Variants in CBX2 observed in about 807,000 individuals in gnomAD.
The protein encoded by CBX2 is chromobox 2.
A neutral mutation model predicts 21.0 loss-of-function variants in CBX2; 11 were observed. The observed-to-expected ratio is 0.52, with a 90% CI of 0.33 to 0.87. CBX2 has a LOEUF of 0.87. CBX2 is among the 40% of genes least tolerant of loss of function. The probability of loss-of-function intolerance (pLI) is 0.02; values close to 1 mark genes in which losing one functional copy is unlikely to be tolerated. For missense variants in CBX2, 746 were observed against 724.3 expected (o/e 1.03, Z -0.34); for synonymous variants, 364 against 304.6 (o/e 1.19, Z -2.03).
In CBX2 at chr17:79,786,867, G is replaced by C. The variant is rs1907673536; in HGVS notation, c.*1825G>C. 6.5e-6 allele frequency: 1 copy of C among 152,718 alleles called. No individual in the cohort carries two copies. The highest frequency in any genetic ancestry group is 2.4e-5 in the African/African-American group (1 of 41,444). The allele number at this position is 152,718 out of a possible 1,614,324, so 9.5% of individuals were successfully genotyped here. ...AGAGGTGGCCTTGGTGTAGCCAAAT[G>C]GATCTTTTTAACAGTGTGCCTTTGG... On this transcript the variant is annotated 3_prime_UTR_variant, in exon 5 of 5. Coordinates refer to ENST00000310942, the MANE Select transcript of CBX2 (RefSeq NM_005189.3).
Position 79,787,938 on chromosome 17 carries a change from G to A in CBX2, c.*2896G>A, listed in dbSNP as rs1330127306. 2.6e-5 allele frequency: 4 copies of A among 151,670 alleles called. No individual in the cohort carries two copies. The highest frequency in any genetic ancestry group is 9.7e-5 in the African/African-American group (4 of 41,178). The allele number at this position is 151,670 out of a possible 1,614,324, so 9.4% of individuals were successfully genotyped here. ...CCAAAGCCAATCACTGGCTTGATTTGTGTTTTTTAATTAAAAAAAAAATCA... is the reference window on the plus strand; with the variant it reads ...CCAAAGCCAATCACTGGCTTGATTTATGTTTTTTAATTAAAAAAAAAATCA... On this transcript the variant is annotated 3_prime_UTR_variant, in exon 5 of 5. Transcript: ENST00000310942.
At chr17:79,777,474 C>T (rs1555829143), upstream of CBX2, among the ~76,000 whole-genome samples, 2 of 152,188 alleles carry the variant, frequency 1.3e-5, no homozygotes, top group African/African-American at 2.4e-5. Flanking sequence ...CCGGGCAGTT[C>T]GTATTACTTC....
In CBX2 at chr17:79,779,257, A is replaced by G. The variant is rs567575734; in HGVS notation, c.117-105A>G. Reference sequence around the variant, plus strand: ...GCCATGGTGCTACGGTGCCACTGCCATCGGCCCAAGTCGAGGAGCGGTGAG... The same window carrying G: ...GCCATGGTGCTACGGTGCCACTGCCGTCGGCCCAAGTCGAGGAGCGGTGAG... On this transcript the variant is annotated intron_variant, in intron 2 of 4. Coordinates refer to ENST00000310942, the MANE Select transcript of CBX2 (RefSeq NM_005189.3). 38 of 1,103,860 alleles carry G rather than the reference A, an allele frequency of 3.4e-5. No homozygotes were observed. The African/African-American group carries it at 5.4e-4, about 16-fold the overall frequency. 68.4% of individuals were successfully genotyped at this position (1,103,860 alleles called of 1,614,324 possible).
chr17:79,783,597 A>G, intron 4 of CBX2, 135 bp from the exon 5 acceptor site: 1 of 756,668 alleles, frequency 1.3e-6, no homozygotes, highest in Non-Finnish European at 2.2e-6. Flanking sequence ...TTTAGTAGAA[A>G]CAGGGCTCCA....
chr17:79,781,375 A>G (rs1352816817), intron 3 of CBX2, among the ~76,000 whole-genome samples: 1 of 152,104 alleles, frequency 6.6e-6, no homozygotes, highest in Non-Finnish European at 1.5e-5. Context: ...TTCTGGTTAG[A>G]ATATGCTAGA....
intron 4 of CBX2, 102 bp downstream of exon 4, chr17:79,781,903 C>G: frequency 6.2e-7 from 1 of 1,614,178 alleles, no homozygotes. Context: ...GGGGGTGGCA[C>G]TTCTGCCAAC....
At chr17:79,782,280 G>A (rs1270521795) in intron 4 of CBX2, 9 of 1,540,052 alleles carry the variant, frequency 5.8e-6, no homozygotes, top group African/African-American at 1.4e-5. Context: ...GCCAGGGGGT[G>A]CCAGGAGGGG....
chr17:79,785,115 C>A lies in CBX2; in HGVS notation c.*73C>A. The A allele has an allele frequency of 7.7e-7, 1 of 1,297,240 alleles. No individual in the cohort carries two copies. The highest frequency in any genetic ancestry group is 1.1e-6 in the Non-Finnish European group (1 of 909,174). The allele number at this position is 1,297,240 out of a possible 1,614,324, so 80.4% of individuals were successfully genotyped here. On this transcript the variant is annotated 3_prime_UTR_variant, in exon 5 of 5. Transcript: ENST00000310942. ...TGGTGTCGCTTGGCTAAGTGACTCC[C>A]AGCCCAAGCCCCCTCAAGAGTCTGG...
intron 4 of CBX2, chr17:79,782,385 C>T (rs1907294323): frequency 2.1e-6 from 3 of 1,403,386 alleles, no homozygotes; most frequent in African/African-American, 2.9e-5. Flanking sequence ...GATGGGCTCA[C>T]CCCGCCACAG....
At chr17:79,779,983 C>T (rs1177556581) in intron 3 of CBX2, among the ~76,000 whole-genome samples, 4 of 152,258 alleles carry the variant, frequency 2.6e-5, no homozygotes, top group Admixed American at 1.3e-4. Context: ...ACCATGAGGC[C>T]GGATTGGGCC....
intron 4 of CBX2, chr17:79,782,166 C>T (rs189040749): frequency 4.5e-5 from 73 of 1,612,582 alleles, no homozygotes; most frequent in Admixed American, 3.0e-4. Context: ...ATAGGATTGC[C>T]GGCTGGATGT....
Position 79,784,584 on chromosome 17 carries a change from G to T in CBX2, c.1141G>T (p.Val381Phe), listed in dbSNP as rs782195810. ...CCGCCACGCCACCGCCACCAAGGGT[G>T]TCCCGGCCACCAACCCAGCCCCTGG... ...LARHATATKGVPATNPAPGKG... is the reference protein window; with the variant it reads ...LARHATATKGFPATNPAPGKG... The change falls in exon 5 of 5, where the codon GTC (valine) becomes TTC (phenylalanine). Residue 381 changes from valine (V) to phenylalanine (F), a missense_variant. Physicochemically the swap from Val to Phe is conservative, Grantham distance 50. Around this residue, in one of 2 missense-constraint regions of CBX2, gnomAD observed 701 missense variants for 650.7 expected, o/e 1.08. Coordinates refer to ENST00000310942, the MANE Select transcript of CBX2 (RefSeq NM_005189.3). This position sits in a 1 kb window ranked among gnomAD's most constrained non-coding sequence, Gnocchi z 5.9. 7 of 1,612,682 alleles carry T rather than the reference G, an allele frequency of 4.3e-6. No homozygotes were observed. The highest frequency in any genetic ancestry group is 5.9e-6 in the Non-Finnish European group (7 of 1,179,946).
At chr17:79,783,699 T>G in intron 4 of CBX2, 33 bp from the exon 5 acceptor site, 3 of 1,543,038 alleles carry the variant, frequency 1.9e-6, no homozygotes, top group Non-Finnish European at 2.6e-6. Context: ...CGTGAGCCAC[T>G]GCACCCAGCC....
Position 79,784,545 on chromosome 17 carries a change from G to A in CBX2, c.1102G>A (p.Val368Met). The A allele has an allele frequency of 3.7e-6, 6 of 1,612,680 alleles. No homozygotes were observed. The highest frequency in any genetic ancestry group is 3.3e-5 in the South Asian group (3 of 91,078). The change falls in exon 5 of 5, where the codon GTG (valine) becomes ATG (methionine). Residue 368 changes from valine (V) to methionine (M), a missense_variant. By Grantham distance (21) the Val-to-Met change is conservative. This residue lies in a region of CBX2 where 701 missense variants were observed against 650.7 expected (regional missense o/e 1.08). Coordinates refer to ENST00000310942, the MANE Select transcript of CBX2 (RefSeq NM_005189.3). The surrounding 1 kb of genome is among the most constrained non-coding windows in gnomAD (Gnocchi z 5.9). ...LQSVKNGMPG[V>M]GLLARHATAT... The stretch of plus-strand genomic sequence containing the variant: ...GAGTGTCAAGAATGGCATGCCCGGG[G>A]TGGGTCTCCTTGCCCGCCACGCCAC...
Position 79,779,420 on chromosome 17 carries a change from CAGA to C in CBX2, c.181_182+1del. ...GGACCCGAGGCTGCTCCTGGCCTTC[CAGA>C]AGAAGTGAGGACGCTGACAGCACTG... On this transcript the variant is annotated inframe_deletion, in exon 3 of 5. Transcript: ENST00000310942. 5.0e-6 allele frequency: 8 copies of C among 1,612,694 alleles called. No homozygotes were observed. The highest frequency in any genetic ancestry group is 6.8e-6 in the Non-Finnish European group (8 of 1,179,738).
chr17:79,782,810 G>C (rs952481848), intron 4 of CBX2, among the ~76,000 whole-genome samples: 1 of 152,132 alleles, frequency 6.6e-6, no homozygotes, highest in African/African-American at 2.4e-5. Flanking sequence ...GTAGGGAGGC[G>C]GTGTTGGATC....
chr17:79,779,269 C>A, intron 2 of CBX2, 93 bp from the exon 3 acceptor site: 1 of 1,228,784 alleles, frequency 8.1e-7, no homozygotes, highest in South Asian at 1.3e-5. Flanking sequence ...CGGCCCAAGT[C>A]GAGGAGCGGT....
At chr17:79,777,915 GCGCCCCCACCCC>G (rs1223009063), upstream of CBX2, among the ~76,000 whole-genome samples, 4 of 144,504 alleles carry the variant, frequency 2.8e-5, no homozygotes, top group African/African-American at 7.7e-5. Flanking sequence ...GGGCCCGCCC[GCGCCCCCACCCC>G]CGCCCCCGCC....
chr17:79,779,461 G>A (rs1555829763), intron 3 of CBX2, 34 bp downstream of exon 3: 2 of 1,597,940 alleles, frequency 1.3e-6, no homozygotes, highest in Admixed American at 3.3e-5. Context: ...GAGGGTGTGG[G>A]GGAGGGACGG....
Sources: gnomAD v4.1 joint callset for allele counts (sites outside exome capture counted in the v4.1 genomes callset) on GRCh38, gnomAD v4.1.1 for gene constraint, gnomAD v4.1.1 regional missense constraint, Gnocchi (gnomAD v3.1) non-coding constraint, MANE v1.5 for transcripts, NCBI Gene and HGNC (gene_info 2026-07-23, HGNC 2026-07-21) for gene names.